CYSLTR2: variants seen among roughly 807,000 people sequenced by gnomAD.
CYSLTR2 encodes cysteinyl leukotriene receptor 2, also known as G-protein coupled receptor GPCR21.
For synonymous variants in CYSLTR2, 179 were observed against 160.8 expected, an observed-to-expected ratio of 1.11 and a Z score of -0.86; for missense variants, 398 against 411.9, an observed-to-expected ratio of 0.97 and a Z score of 0.29.
At chr13:48,699,456 G>A (rs144015634) in intron 4 of CYSLTR2, among the ~76,000 whole-genome samples, 1 of 152,292 alleles carries the variant, frequency 6.6e-6, no homozygotes. Flanking sequence ...AAATAAAGAT[G>A]TTCTTTGAAA....
intron 2 of CYSLTR2, among the ~76,000 whole-genome samples, chr13:48,692,847 G>T (rs1954072972): frequency 6.6e-6 from 1 of 151,304 alleles, no homozygotes; most frequent in Non-Finnish European, 1.5e-5. Context: ...AAAGGAATTT[G>T]CATGTTTTGT....
intron 1 of CYSLTR2, among the ~76,000 whole-genome samples, chr13:48,677,544 C>G (rs1052749753): frequency 6.6e-6 from 1 of 152,238 alleles, no homozygotes; most frequent in East Asian, 1.9e-4. Flanking sequence ...ACTGTACATT[C>G]TACCATACTA....
At chr13:48,678,338 T>C (rs1953656901) in intron 1 of CYSLTR2, among the ~76,000 whole-genome samples, 1 of 152,042 alleles carries the variant, frequency 6.6e-6, no homozygotes. Context: ...CATTGAACAC[T>C]CACTTCTCCT....
At chr13:48,703,057 T>G (rs558688981) in intron 4 of CYSLTR2, among the ~76,000 whole-genome samples, 2 of 152,326 alleles carry the variant, frequency 1.3e-5, no homozygotes, top group Admixed American at 1.3e-4. Context: ...ATATAAATAG[T>G]ATTGCATTTT....
intron 1 of CYSLTR2, among the ~76,000 whole-genome samples, chr13:48,655,900 A>C (rs1317300666): frequency 2.6e-5 from 4 of 152,208 alleles, no homozygotes; most frequent in Non-Finnish European, 5.9e-5. Flanking sequence ...TGGTTAAACA[A>C]ATTTCATAAT....
intron 1 of CYSLTR2, among the ~76,000 whole-genome samples, chr13:48,675,114 G>A (rs889757815): frequency 9.2e-5 from 14 of 152,186 alleles, no homozygotes; most frequent in Non-Finnish European, 1.8e-4. Context: ...AGGACCCATG[G>A]GGTTCAGGGA....
intron 1 of CYSLTR2, among the ~76,000 whole-genome samples, chr13:48,682,113 C>T (rs1467940416): frequency 2.0e-5 from 3 of 152,094 alleles, no homozygotes; most frequent in Non-Finnish European, 4.4e-5. Context: ...GTGCCCTAGG[C>T]TCTGTGTGTT....
At chr13:48,668,586 C>T (rs959531682) in intron 1 of CYSLTR2, among the ~76,000 whole-genome samples, 1 of 151,974 alleles carries the variant, frequency 6.6e-6, no homozygotes, top group East Asian at 1.9e-4. Context: ...CATCATTATC[C>T]TCATTTTATT....
chr13:48,676,951 G>T (rs1389459351), intron 1 of CYSLTR2, among the ~76,000 whole-genome samples: 1 of 152,216 alleles, frequency 6.6e-6, no homozygotes, highest in Admixed American at 6.5e-5. Flanking sequence ...CAGAGGCAAA[G>T]AAACAGTGCA....
chr13:48,685,326 C>T (rs146325371), intron 1 of CYSLTR2, among the ~76,000 whole-genome samples: 1 of 152,258 alleles, frequency 6.6e-6, no homozygotes, highest in African/African-American at 2.4e-5. Context: ...GGGGACGGTG[C>T]TAAACCAATC....
chr13:48,665,556 T>C (rs1014026372), intron 1 of CYSLTR2, among the ~76,000 whole-genome samples: 4 of 152,124 alleles, frequency 2.6e-5, no homozygotes, highest in African/African-American at 9.7e-5. Context: ...TCTATTATTA[T>C]ATAATGTCCT....
chr13:48,667,115 TG>T (rs1953283270), intron 1 of CYSLTR2, among the ~76,000 whole-genome samples: 3 of 152,208 alleles, frequency 2.0e-5, no homozygotes, highest in Admixed American at 6.5e-5. Flanking sequence ...GAGCAGACCT[TG>T]GTTCTACGTA....
intron 1 of CYSLTR2, among the ~76,000 whole-genome samples, chr13:48,677,405 A>G (rs779012981): frequency 2.0e-5 from 3 of 152,164 alleles, no homozygotes; most frequent in Non-Finnish European, 4.4e-5. Context: ...AAGAAATGGT[A>G]CAGAATTTCA....
chr13:48,684,315 C>T (rs148868985), intron 1 of CYSLTR2, among the ~76,000 whole-genome samples: 5 of 151,920 alleles, frequency 3.3e-5, no homozygotes, highest in Non-Finnish European at 7.4e-5. Context: ...GAGAGATTCT[C>T]ATTATGAACA....
At chr13:48,677,794 A>G (rs566480436) in intron 1 of CYSLTR2, among the ~76,000 whole-genome samples, 1 of 151,290 alleles carries the variant, frequency 6.6e-6, no homozygotes, top group Non-Finnish European at 1.5e-5. Context: ...TTTTTTTATT[A>G]TTAGCTTCCT....
rs1268839242 is a variant in CYSLTR2 at position 48,708,054 on chromosome 13, A to T, written c.*196A>T. On this transcript the variant is annotated 3_prime_UTR_variant, in exon 5 of 5. Transcript: ENST00000682523. ...TTCAGTTGTTGAGTCTTAATGAGGG[A>T]TACAGGAGGAAAAATCCCTACTAGA... 3.6e-5 allele frequency: 17 copies of T among 465,976 alleles called. No individual in the cohort carries two copies. The highest frequency in any genetic ancestry group is 6.4e-5 in the Non-Finnish European group (17 of 263,754). 28.9% of individuals were successfully genotyped at this position (465,976 alleles called of 1,614,324 possible).
chr13:48,664,938 G>A (rs985057173), intron 1 of CYSLTR2, among the ~76,000 whole-genome samples: 1 of 151,848 alleles, frequency 6.6e-6, no homozygotes, highest in Non-Finnish European at 1.5e-5. Context: ...TTCTAATGTA[G>A]GCATTTATTG....
At chr13:48,662,098 G>A (rs752581233) in intron 1 of CYSLTR2, among the ~76,000 whole-genome samples, 1 of 152,080 alleles carries the variant, frequency 6.6e-6, no homozygotes, top group Non-Finnish European at 1.5e-5. Context: ...AACATATGGT[G>A]TTTGACTTTC....
At chr13:48,688,223 C>T (rs1465672169) in intron 1 of CYSLTR2, among the ~76,000 whole-genome samples, 1 of 152,066 alleles carries the variant, frequency 6.6e-6, no homozygotes, top group East Asian at 1.9e-4. Context: ...TCTGAGATTT[C>T]GTCTTTTTTA....
Sources: allele counts gnomAD v4.1 joint callset (sites outside exome capture counted in the v4.1 genomes callset), GRCh38; gene constraint gnomAD v4.1.1; transcripts MANE v1.5; gene names NCBI Gene and HGNC (gene_info 2026-07-23, HGNC 2026-07-21).